The following RGS10 variants were observed in gnomAD, a reference collection of about 807,000 sequenced individuals.
RGS10 encodes regulator of G-protein signalling 10.
Under a neutral mutation model 23.5 loss-of-function variants are expected in RGS10, and 11 were observed. The observed-to-expected ratio is 0.47, with a 90% CI of 0.29 to 0.77. The LOEUF (loss-of-function observed/expected upper bound fraction) is 0.77, where lower values mean the gene tolerates loss of function less well. Among genes scored for constraint, RGS10 ranks in the 30% least tolerant of loss-of-function variants. RGS10 has a pLI of 0.08. For missense variants in RGS10, 180 were observed against 226.3 expected (o/e 0.80, Z 1.31); for synonymous variants, 77 against 83.2 (o/e 0.92, Z 0.41).
chr10:119,536,874 T>A (rs1247256225), intron 1 of RGS10, among the ~76,000 whole-genome samples: 2 of 152,132 alleles, frequency 1.3e-5, no homozygotes, highest in East Asian at 3.9e-4. Context: ...TCTGCCTCAA[T>A]CTGTCCCGCA....
chr10:119,519,600 CCCCAGCTCCTGTCTCCCTGTATCTGTCT>C (rs367938173), intron 3 of RGS10, among the ~76,000 whole-genome samples: 1,619 of 105,032 alleles, frequency 0.015, 263 homozygotes, highest in Non-Finnish European at 0.02. Context: ...CCTATCTGTC[CCCCAGCTCCTGTCTCCCTGTATCTGTCT>C]CCCAGCTCCT....
Position 119,538,012 on chromosome 10 carries a change from A to G in RGS10, c.49+4578T>C, listed in dbSNP as rs937181749. Among the ~76,000 whole-genome samples, 7 of 152,144 alleles carry G rather than the reference A, an allele frequency of 4.6e-5. No homozygotes were observed. The highest frequency in any genetic ancestry group is 1.7e-4 in the African/African-American group (7 of 41,420). ...TCAGGACAGCTCTTTACCTGAGATT[A>G]TATCTTTCCTACTATTGGGGGTGTT... On this transcript the variant is annotated intron_variant, in intron 1 of 4. Transcript: ENST00000369103. This position sits in a 1 kb window ranked among gnomAD's most constrained non-coding sequence, Gnocchi z 4.5.
At chr10:119,528,777 TG>T (rs1662961231) in intron 1 of RGS10, among the ~76,000 whole-genome samples, 1 of 151,912 alleles carries the variant, frequency 6.6e-6, no homozygotes, top group African/African-American at 2.4e-5. Flanking sequence ...GAGGTTGCAG[TG>T]AGCCAAGATC....
intron 3 of RGS10, among the ~76,000 whole-genome samples, chr10:119,518,436 C>G (rs1025151944): frequency 1.3e-5 from 2 of 152,234 alleles, no homozygotes; most frequent in African/African-American, 4.8e-5. Context: ...AGCAGTGGCT[C>G]AACTGTGACA....
intron 4 of RGS10, among the ~76,000 whole-genome samples, chr10:119,510,696 C>T (rs1035472410): frequency 1.3e-5 from 2 of 152,096 alleles, no homozygotes; most frequent in African/African-American, 4.8e-5. Context: ...AGGACTGAAT[C>T]AAAACTCCTA....
intron 2 of RGS10, among the ~76,000 whole-genome samples, chr10:119,526,663 C>T (rs1319345186): frequency 6.6e-6 from 1 of 152,218 alleles, no homozygotes; most frequent in Non-Finnish European, 1.5e-5. Flanking sequence ...CGACCAGGAA[C>T]TAGAAGCCTA....
In RGS10 at chr10:119,511,794, C is replaced by T. The variant is rs747144543; in HGVS notation, c.399+3715G>A. Among the ~76,000 whole-genome samples, 97 of 152,272 alleles carry T rather than the reference C, an allele frequency of 6.4e-4. 1 individual carries two copies. The highest frequency in any genetic ancestry group is 2.1e-4 in the South Asian group (1 of 4,828). On this transcript the variant is annotated intron_variant, in intron 4 of 4. Transcript: ENST00000369103. ...CGGCGTGTGGCAATGGAGGTCCCCA[C>T]GCCCAGGCTCAGGCCTCGGTGCTGT...
intron 4 of RGS10, among the ~76,000 whole-genome samples, chr10:119,514,222 T>C (rs1844114148): frequency 6.6e-6 from 1 of 151,186 alleles, no homozygotes; most frequent in Non-Finnish European, 1.5e-5. Flanking sequence ...CCGGGCGTGG[T>C]GGTGTAGGCC....
In RGS10 at chr10:119,536,617, T is replaced by A; in HGVS notation, c.49+5973A>T. Reference sequence around the variant, plus strand: ...ACAAGCCTCAACATCCTCTTTTAAGTGGACTAAACAACAGATGGCCACTGG... The same window carrying A: ...ACAAGCCTCAACATCCTCTTTTAAGAGGACTAAACAACAGATGGCCACTGG... On this transcript the variant is annotated intron_variant, in intron 1 of 4. Coordinates refer to ENST00000369103, the MANE Select transcript of RGS10 (RefSeq NM_001005339.2). 3 of 928,368 alleles carry A rather than the reference T, an allele frequency of 3.2e-6. No homozygotes were observed. The South Asian group carries it at 5.2e-5, about 16-fold the overall frequency. The allele number at this position is 928,368 out of a possible 1,614,324, so 57.5% of individuals were successfully genotyped here.
Position 119,527,502 on chromosome 10 carries a change from C to G in RGS10, c.50-78G>C. The G allele has an allele frequency of 9.0e-7, 1 of 1,105,448 alleles. No individual in the cohort carries two copies. Among genetic ancestry groups the G allele is most frequent in the Admixed American group, 1.7e-5 (1 of 58,610 alleles). 68.5% of individuals were successfully genotyped at this position (1,105,448 alleles called of 1,614,324 possible). On this transcript the variant is annotated intron_variant, in intron 1 of 4. Coordinates refer to ENST00000369103, the MANE Select transcript of RGS10 (RefSeq NM_001005339.2). This position sits in a 1 kb window ranked among gnomAD's most constrained non-coding sequence, Gnocchi z 4.2. Reference sequence around the variant, plus strand: ...AGAAATCTGCATGCAATGGTCAGCACTGCCGTCACCATCACGGCTGACATA... The same window carrying G: ...AGAAATCTGCATGCAATGGTCAGCAGTGCCGTCACCATCACGGCTGACATA...
intron 3 of RGS10, among the ~76,000 whole-genome samples, chr10:119,522,876 G>C (rs1221358060): frequency 7.5e-6 from 1 of 133,690 alleles, no homozygotes; most frequent in East Asian, 2.0e-4. Flanking sequence ...ATGTGGCTCT[G>C]AATTCTTTTT....
At chr10:119,507,039 T>C (rs1024792860) in intron 4 of RGS10, among the ~76,000 whole-genome samples, 6 of 152,110 alleles carry the variant, frequency 3.9e-5, no homozygotes, top group Admixed American at 6.6e-5. Context: ...TCTCAAAGTA[T>C]CTCGAATACT....
At chr10:119,509,267 G>A (rs982485984) in intron 4 of RGS10, among the ~76,000 whole-genome samples, 4 of 151,978 alleles carry the variant, frequency 2.6e-5, no homozygotes, top group Non-Finnish European at 4.4e-5. Context: ...AGCAAGTCTT[G>A]TCCACAATCT....
At chr10:119,518,538 C>T (rs779207908) in intron 3 of RGS10, among the ~76,000 whole-genome samples, 4 of 152,122 alleles carry the variant, frequency 2.6e-5, no homozygotes, top group Non-Finnish European at 5.9e-5. Context: ...CCCAGAAGTG[C>T]ACCTCTATGC....
At chr10:119,515,282 T>A in intron 4 of RGS10, 1 of 556,388 alleles carries the variant, frequency 1.8e-6, no homozygotes, top group Non-Finnish European at 3.2e-6. Flanking sequence ...CTAAACTGTG[T>A]GTAGACCAAG....
rs1295492296 is a variant in RGS10 at position 119,517,068 on chromosome 10, T to C, written c.256-1416A>G. 5.3e-5 allele frequency among the ~76,000 whole-genome samples: 8 copies of C among 152,222 alleles called. No individual in the cohort carries two copies. The East Asian group carries it at 1.5e-3, about 29-fold the overall frequency. The stretch of plus-strand genomic sequence containing the variant: ...AGCCCAACTGGGGCTCCGCATGTGC[T>C]GTGGGGCTTGGTTTGGGAAATCCCA... On this transcript the variant is annotated intron_variant, in intron 3 of 4. Transcript: ENST00000369103. The surrounding 1 kb of genome is among the most constrained non-coding windows in gnomAD (Gnocchi z 5.0).
intron 1 of RGS10, among the ~76,000 whole-genome samples, chr10:119,531,260 G>A (rs1406096250): frequency 2.0e-5 from 3 of 152,262 alleles, no homozygotes; most frequent in African/African-American, 7.2e-5. Context: ...AGAGACACAA[G>A]TTCACTGTTC....
chr10:119,534,221 A>C (rs1399577123), intron 1 of RGS10, among the ~76,000 whole-genome samples: 4 of 151,056 alleles, frequency 2.6e-5, no homozygotes, highest in Non-Finnish European at 5.9e-5. Flanking sequence ...ATACCACTGC[A>C]CTCCAGCCTG....
intron 4 of RGS10, among the ~76,000 whole-genome samples, chr10:119,505,456 C>G (rs1253826142): frequency 6.6e-6 from 1 of 151,696 alleles, no homozygotes; most frequent in African/African-American, 2.4e-5. Context: ...GGGATCCAAT[C>G]CTACAGGCTG....
Sources: allele counts gnomAD v4.1 joint callset (sites outside exome capture counted in the v4.1 genomes callset), GRCh38; gene constraint gnomAD v4.1.1; non-coding constraint Gnocchi (gnomAD v3.1); transcripts MANE v1.5; gene names NCBI Gene and HGNC (gene_info 2026-07-23, HGNC 2026-07-21).